Variants in CSRNP3 observed in about 807,000 individuals in gnomAD.
CSRNP3 encodes the protein cysteine and serine rich nuclear protein 3, also known as cysteine/serine-rich nuclear protein 3.
In CSRNP3, 12 loss-of-function variants were observed where a neutral mutation model predicts 48.0. The observed-to-expected ratio is 0.25, with a 90% CI of 0.16 to 0.41. The LOEUF (loss-of-function observed/expected upper bound fraction) is 0.41, where lower values mean the gene tolerates loss of function less well. Among genes scored for constraint, CSRNP3 ranks in the 10% least tolerant of loss-of-function variants. The probability of loss-of-function intolerance (pLI) is 1.00; values close to 1 mark genes in which losing one functional copy is unlikely to be tolerated. For synonymous variants in CSRNP3, 263 were observed against 269.7 expected, an observed-to-expected ratio of 0.98 and a Z score of 0.24; for missense variants, 580 against 724.4, an observed-to-expected ratio of 0.80 and a Z score of 2.29.
At chr2:165,476,372 G>A (rs1186449844) in intron 1 of CSRNP3, among the ~76,000 whole-genome samples, 21 of 152,168 alleles carry the variant, frequency 1.4e-4, no homozygotes. Flanking sequence ...TATGGGACTG[G>A]TAGAAGTCCT....
chr2:165,485,169 T>C (rs548881149), intron 1 of CSRNP3, among the ~76,000 whole-genome samples: 3 of 152,262 alleles, frequency 2.0e-5, no homozygotes, highest in East Asian at 1.9e-4. Flanking sequence ...GAAAATATTT[T>C]TTTCCACCTT....
intron 4 of CSRNP3, among the ~76,000 whole-genome samples, chr2:165,616,103 G>T (rs957287505): frequency 2.6e-5 from 4 of 151,542 alleles, no homozygotes; most frequent in South Asian, 4.2e-4. Flanking sequence ...CATATAATTG[G>T]GTTTTGTGTT....
At chr2:165,515,911 T>C (rs1684576357) in intron 2 of CSRNP3, among the ~76,000 whole-genome samples, 1 of 150,304 alleles carries the variant, frequency 6.7e-6, no homozygotes, top group Admixed American at 6.7e-5. Flanking sequence ...ATTCAAGAAA[T>C]TCTTGTGCTT....
chr2:165,667,143 G>GA (rs772835545), intron 5 of CSRNP3, among the ~76,000 whole-genome samples: 1 of 145,818 alleles, frequency 6.9e-6, no homozygotes, highest in African/African-American at 2.5e-5. Context: ...AAGAGAGAGA[G>GA]AAAAGGAAGG....
At chr2:165,633,216 T>C (rs146699975) in intron 4 of CSRNP3, among the ~76,000 whole-genome samples, 21 of 152,308 alleles carry the variant, frequency 1.4e-4, no homozygotes, top group African/African-American at 4.6e-4. Context: ...ATGTTATTGC[T>C]AAAAGGAAGG....
At chr2:165,665,855 GGAAAGAGAGAGAGAAA>G (rs1187874283) in intron 5 of CSRNP3, among the ~76,000 whole-genome samples, 1 of 144,318 alleles carries the variant, frequency 6.9e-6, no homozygotes, top group African/African-American at 2.6e-5. Context: ...AAGGAAGGAA[GGAAAGAGAGAGAGAAA>G]GAAAGAGAGA....
chr2:165,560,394 A>G (rs531303694), intron 3 of CSRNP3, among the ~76,000 whole-genome samples: 1 of 152,254 alleles, frequency 6.6e-6, no homozygotes, highest in African/African-American at 2.4e-5. Context: ...ATTAGTTACT[A>G]CCTTTTGCTA....
At chr2:165,529,184 G>A (rs1684780596) in intron 3 of CSRNP3, among the ~76,000 whole-genome samples, 1 of 152,148 alleles carries the variant, frequency 6.6e-6, no homozygotes. Context: ...ATACTTTGGG[G>A]GAACTGTTGG....
chr2:165,471,663 C>G (rs890326258), intron 1 of CSRNP3, among the ~76,000 whole-genome samples: 6 of 151,948 alleles, frequency 3.9e-5, no homozygotes, highest in African/African-American at 1.4e-4. Flanking sequence ...ATTGTTGCTG[C>G]TTTTTATAAT....
chr2:165,572,751 T>A (rs1353819817), intron 3 of CSRNP3, among the ~76,000 whole-genome samples: 1 of 152,222 alleles, frequency 6.6e-6, no homozygotes, highest in East Asian at 1.9e-4. Context: ...ATTGTCGATG[T>A]AGTCAGATGT....
At chr2:165,541,212 C>T (rs1684952454) in intron 3 of CSRNP3, among the ~76,000 whole-genome samples, 2 of 143,502 alleles carry the variant, frequency 1.4e-5, no homozygotes, top group African/African-American at 5.1e-5. Flanking sequence ...ATATCCTCTA[C>T]ACCAAATGCA....
At chr2:165,662,490 C>G (rs1428129530) in intron 5 of CSRNP3, among the ~76,000 whole-genome samples, 2 of 152,206 alleles carry the variant, frequency 1.3e-5, no homozygotes, top group Non-Finnish European at 2.9e-5. Context: ...CAAGCCCATT[C>G]AAACATGTCA....
intron 1 of CSRNP3, among the ~76,000 whole-genome samples, chr2:165,476,958 T>C (rs1381976422): frequency 3.3e-5 from 5 of 152,180 alleles, no homozygotes. Context: ...TGTAATGACT[T>C]CCTAAGTATT....
chr2:165,648,155 A>G (rs764543479), intron 4 of CSRNP3, among the ~76,000 whole-genome samples: 24 of 152,332 alleles, frequency 1.6e-4, no homozygotes, highest in Admixed American at 1.0e-3. Flanking sequence ...TTGAAGCAAA[A>G]GGAAGACTGA....
At chr2:165,553,228 G>A (rs114023686) in intron 3 of CSRNP3, among the ~76,000 whole-genome samples, 4,895 of 152,086 alleles carry the variant, frequency 0.032, 236 homozygotes, top group African/African-American at 0.11. Context: ...GAATCCTATA[G>A]CTCTTCGACC....
intron 4 of CSRNP3, among the ~76,000 whole-genome samples, chr2:165,630,083 C>T (rs972259216): frequency 2.0e-5 from 3 of 152,152 alleles, no homozygotes; most frequent in Non-Finnish European, 4.4e-5. Flanking sequence ...AAAGCTTAAT[C>T]ATCCTATCTG....
chr2:165,608,795 A>C (rs1214167150), intron 4 of CSRNP3, among the ~76,000 whole-genome samples: 1 of 151,722 alleles, frequency 6.6e-6, no homozygotes, highest in Non-Finnish European at 1.5e-5. Flanking sequence ...AAATTAAAAA[A>C]AAAAAAAGTG....
At chr2:165,480,744 A>G (rs1054920483) in intron 1 of CSRNP3, among the ~76,000 whole-genome samples, 1 of 146,772 alleles carries the variant, frequency 6.8e-6, no homozygotes, top group African/African-American at 2.5e-5. Context: ...AGATATGCAC[A>G]AGTATATATA....
In CSRNP3 at chr2:165,655,257, AG is replaced by A. The variant is rs377050111; in HGVS notation, c.149-2503del. 1.2e-3 allele frequency among the ~76,000 whole-genome samples: 179 copies of A among 152,232 alleles called. 4 individuals are homozygous for A. The South Asian group carries it at 0.03, about 26-fold the overall frequency. Reference sequence around the variant, plus strand: ...AATCTCAGCCTTGCTCACCTCCCTTAGTGTGGCCTCAGCTGCATGCTGAAAT... The same window carrying A: ...AATCTCAGCCTTGCTCACCTCCCTTATGTGGCCTCAGCTGCATGCTGAAAT... On this transcript the variant is annotated intron_variant, in intron 4 of 6. Coordinates refer to ENST00000651982, the MANE Select transcript of CSRNP3 (RefSeq NM_001172173.2).
Sources: gnomAD v4.1 joint callset for allele counts (sites outside exome capture counted in the v4.1 genomes callset) on GRCh38, gnomAD v4.1.1 for gene constraint, MANE v1.5 for transcripts, NCBI Gene and HGNC (gene_info 2026-07-23, HGNC 2026-07-21) for gene names.